Variants in TMCO4 observed in about 807,000 individuals in gnomAD.
TMCO4 encodes the protein transmembrane and coiled-coil domain-containing protein 4.
In TMCO4, 58 loss-of-function variants were observed where a neutral mutation model predicts 64.7. That is an observed-to-expected ratio of 0.90 (90% CI 0.73 to 1.12). TMCO4 has a LOEUF of 1.12. Among genes scored for constraint, TMCO4 ranks in the 50% most tolerant of loss-of-function variants. The pLI, the probability that TMCO4 is intolerant of heterozygous loss-of-function variation, is 0.00. For synonymous variants in TMCO4, 325 were observed against 346.1 expected (o/e 0.94, Z 0.68); for missense variants, 780 against 825.9 (o/e 0.94, Z 0.68).
chr1:19,780,844 A>G, intron 3 of TMCO4, 78 bp from the exon 4 acceptor site: 1 of 1,243,002 alleles, frequency 8.0e-7, no homozygotes. Flanking sequence ...GAACTTACAA[A>G]CCATAAAAGG....
chr1:19,720,733 A>T lies in TMCO4; in HGVS notation c.1264+16639T>A, dbSNP rs532252114. ...GCCTAGTAGAGACCCGAAAGGTCAG[A>T]GTTCACACATGAACACCCTGTGCTG... On this transcript the variant is annotated intron_variant, in intron 13 of 15. Transcript: ENST00000294543. Among the ~76,000 whole-genome samples the T allele has an allele frequency of 2.6e-5, 4 of 152,358 alleles. No homozygotes were observed. In the South Asian group the frequency reaches 8.3e-4, roughly 32 times the overall value.
intron 2 of TMCO4, among the ~76,000 whole-genome samples, chr1:19,788,351 A>G (rs961799854): frequency 6.6e-5 from 10 of 152,124 alleles, no homozygotes; most frequent in African/African-American, 2.4e-4. Flanking sequence ...TTTCTGCCAC[A>G]AATTTGTATC....
intron 2 of TMCO4, among the ~76,000 whole-genome samples, chr1:19,788,632 T>C (rs576687631): frequency 5.3e-5 from 8 of 152,226 alleles, no homozygotes; most frequent in Non-Finnish European, 1.0e-4. Context: ...CAACCCTGTG[T>C]CCAGTGACAC....
chr1:19,769,486 C>T (rs1250205826), intron 6 of TMCO4, among the ~76,000 whole-genome samples: 2 of 152,222 alleles, frequency 1.3e-5, no homozygotes, highest in Non-Finnish European at 2.9e-5. Flanking sequence ...AAATTCTGCT[C>T]TTCCTCCTCC....
chr1:19,723,614 C>G (rs991766728), intron 13 of TMCO4, among the ~76,000 whole-genome samples: 1 of 152,232 alleles, frequency 6.6e-6, no homozygotes, highest in Admixed American at 6.5e-5. Flanking sequence ...CTGGATTCCT[C>G]CAGTCACAGC....
At chr1:19,747,887 C>T (rs1210926741) in intron 7 of TMCO4, among the ~76,000 whole-genome samples, 1 of 152,222 alleles carries the variant, frequency 6.6e-6, no homozygotes, top group South Asian at 2.1e-4. Context: ...ATTGGACATT[C>T]AGCCCTGAGC....
rs140961827 is a variant in TMCO4, at chr1:19,743,263, T to C, written c.877+2269A>G. 6.6e-6 allele frequency among the ~76,000 whole-genome samples: 1 copy of C among 151,988 alleles called. No individual in the cohort carries two copies. Among genetic ancestry groups the C allele is most frequent in the Non-Finnish European group, 1.5e-5 (1 of 67,990 alleles). On this transcript the variant is annotated intron_variant, in intron 10 of 15. Coordinates refer to ENST00000294543, the MANE Select transcript of TMCO4 (RefSeq NM_181719.7). This position sits in a 1 kb window ranked among gnomAD's most constrained non-coding sequence, Gnocchi z 4.1. ...AAAGGGGAGTGCGAATGACAGCCAC[T>C]TCCCTGGACTGAAGTGAGGAGCTAA...
intron 13 of TMCO4, among the ~76,000 whole-genome samples, chr1:19,707,893 G>C (rs572424999): frequency 6.6e-6 from 1 of 152,244 alleles, no homozygotes; most frequent in African/African-American, 2.4e-5. Flanking sequence ...GCAGGAGAGA[G>C]AGTGAAGGGG....
chr1:19,694,507 T>C lies in TMCO4; in HGVS notation c.1427A>G (p.Gln476Arg). Residue 476 changes from glutamine (Q) to arginine (R), a missense_variant, in exon 15 of 16, where the codon CAG becomes CGG. Transcript: ENST00000294543. ...GGGCTGTAGGCCGGCGACACGGAGC[T>C]GCACCGAGGATGTGCGGTACACGAA... is the stretch of plus-strand genomic sequence containing the variant. ...LSFVYRTSSVQLRVAGLQPVL... is the reference protein window; with the variant it reads ...LSFVYRTSSVRLRVAGLQPVL... 4 of 1,614,086 alleles carry C rather than the reference T, an allele frequency of 2.5e-6. No homozygotes were observed. In the South Asian group the frequency reaches 4.4e-5, roughly 18 times the overall value.
chr1:19,698,123 C>A (rs2095248889), intron 14 of TMCO4, among the ~76,000 whole-genome samples: 1 of 152,230 alleles, frequency 6.6e-6, no homozygotes, highest in Non-Finnish European at 1.5e-5. Flanking sequence ...TGCTGATGTG[C>A]AAGCCCCAGG....
intron 10 of TMCO4, 67 bp from the exon 11 acceptor site, chr1:19,741,008 C>T (rs1281851555): frequency 1.4e-6 from 2 of 1,481,322 alleles, no homozygotes; most frequent in Non-Finnish European, 1.8e-6. Context: ...CCCAGTACCC[C>T]AGACAAGGAG....
At chr1:19,710,000 T>C (rs1474155408) in intron 13 of TMCO4, among the ~76,000 whole-genome samples, 1 of 152,064 alleles carries the variant, frequency 6.6e-6, no homozygotes, top group Admixed American at 6.6e-5. Flanking sequence ...AGGCTGGTCT[T>C]GAATTCTCGA....
rs71010505 is a variant in TMCO4, at chr1:19,702,285, C to CAAAAAAAAA, written c.1265-1409_1265-1401dup. On this transcript the variant is annotated intron_variant, in intron 13 of 15. Transcript: ENST00000294543. Reference sequence around the variant, plus strand: ...TGCCTGGCCGAGACTCTTGTCTTTACAAAAAAAAAAAAAAAAAAAGTCAGG... The same window carrying CAAAAAAAAA: ...TGCCTGGCCGAGACTCTTGTCTTTACAAAAAAAAAAAAAAAAAAAAAAAAAAAAGTCAGG... Among the ~76,000 whole-genome samples the CAAAAAAAAA allele has an allele frequency of 5.8e-5, 6 of 102,902 alleles. 1 individual carries two copies. Among genetic ancestry groups the CAAAAAAAAA allele is most frequent in the Non-Finnish European group, 1.0e-4 (5 of 49,924 alleles). 67.5% of individuals were successfully genotyped at this position (102,902 alleles called of 152,430 possible). A position where few individuals can be genotyped will look rare whatever the true frequency, so the allele number is the denominator to read the frequency against.
intron 4 of TMCO4, 117 bp from the exon 5 acceptor site, chr1:19,771,599 T>G (rs1336927108): frequency 6.9e-6 from 7 of 1,008,940 alleles, no homozygotes; most frequent in Non-Finnish European, 9.9e-6. Context: ...ACTTACTGAC[T>G]GTGATCCCTC....
intron 6 of TMCO4, among the ~76,000 whole-genome samples, chr1:19,769,940 C>T (rs1229029968): frequency 1.4e-5 from 2 of 146,130 alleles, no homozygotes; most frequent in Admixed American, 6.7e-5. Flanking sequence ...ACAAAGCACA[C>T]GTGCTTAGGG....
At chr1:19,752,211 C>A (rs1030373218) in intron 7 of TMCO4, among the ~76,000 whole-genome samples, 1 of 152,178 alleles carries the variant, frequency 6.6e-6, no homozygotes, top group Non-Finnish European at 1.5e-5. Context: ...ATGCCTCCTT[C>A]CCTTTCCTTG....
At chr1:19,792,132 T>A (rs533283355) in intron 2 of TMCO4, among the ~76,000 whole-genome samples, 1 of 152,226 alleles carries the variant, frequency 6.6e-6, no homozygotes. Context: ...TTTTTCTTTA[T>A]AAATTACCCA....
At position 19,771,474 on chromosome 1, in the gene TMCO4, C is replaced by G. The variant is rs778389972; in HGVS notation, c.188G>C (p.Cys63Ser). 6.2e-7 allele frequency: 1 copy of G among 1,613,800 alleles called. No homozygotes were observed. Among genetic ancestry groups the G allele is most frequent in the East Asian group, 2.2e-5 (1 of 44,874 alleles). ...CACCAGGCCTGCCATGAACTCTGTG[C>G]AGAAGGAGCTGAAAGGCAGACATGG... ...LFPEPEHSSF[C>S]TEFMAGLVQW... Residue 63 changes from cysteine to serine, a missense_variant, in exon 5 of 16, where the codon TGC becomes TCC. Physicochemically the swap from Cys to Ser is moderately radical, Grantham distance 112. Coordinates refer to ENST00000294543, the MANE Select transcript of TMCO4 (RefSeq NM_181719.7).
Position 19,682,674 on chromosome 1 carries a change from A to G in TMCO4, c.*366T>C, listed in dbSNP as rs1261424351. 4.2e-6 allele frequency: 3 copies of G among 717,614 alleles called. No individual in the cohort carries two copies. The Admixed American group carries it at 6.0e-5, about 14-fold the overall frequency. 44.5% of individuals were successfully genotyped at this position (717,614 alleles called of 1,614,324 possible). A position where few individuals can be genotyped will look rare whatever the true frequency, so the allele number is the denominator to read the frequency against. On this transcript the variant is annotated 3_prime_UTR_variant, in exon 16 of 16. Coordinates refer to ENST00000294543, the MANE Select transcript of TMCO4 (RefSeq NM_181719.7). ...CTGGTGTGGGAGCCTCAGGCCCCAG[A>G]GAGCCCTCGGGACCTCCTGATGGAC...
Sources: allele counts gnomAD v4.1 joint callset (sites outside exome capture counted in the v4.1 genomes callset), GRCh38; gene constraint gnomAD v4.1.1; non-coding constraint Gnocchi (gnomAD v3.1); transcripts MANE v1.5; gene names NCBI Gene and HGNC (gene_info 2026-07-23, HGNC 2026-07-21).